The following EXOC4 variants were observed in gnomAD, a reference collection of about 807,000 sequenced individuals.
The protein encoded by EXOC4 is exocyst complex component 4.
Under a neutral mutation model 107.2 loss-of-function variants are expected in EXOC4, and 71 were observed. That is an observed-to-expected ratio of 0.66 (90% CI 0.55 to 0.81). The LOEUF (loss-of-function observed/expected upper bound fraction) is 0.81, where lower values mean the gene tolerates loss of function less well. EXOC4 is among the 30% of genes least tolerant of loss of function. The pLI, the probability that EXOC4 is intolerant of heterozygous loss-of-function variation, is 0.00. For synonymous variants in EXOC4, 456 were observed against 441.2 expected (o/e 1.03, Z -0.42); for missense variants, 1,108 against 1,189.6 (o/e 0.93, Z 1.01).
chr7:133,449,721 T>TTGTGTGTGTGTGTG (rs58843853), intron 7 of EXOC4, among the ~76,000 whole-genome samples: 2,751 of 147,966 alleles, frequency 0.019, 78 homozygotes, highest in African/African-American at 0.059. Flanking sequence ...GAAAATACAT[T>TTGTGTGTGTGTGTG]TGTGTGTGTG....
intron 17 of EXOC4, among the ~76,000 whole-genome samples, chr7:134,048,447 T>A (rs552164286): frequency 1.8e-3 from 268 of 152,300 alleles, no homozygotes; most frequent in African/African-American, 6.3e-3. Context: ...AAGGACACCT[T>A]GGAGGTTAGA....
intron 11 of EXOC4, among the ~76,000 whole-genome samples, chr7:133,845,879 T>A (rs1015956738): frequency 2.0e-5 from 3 of 152,196 alleles, no homozygotes; most frequent in African/African-American, 7.2e-5. Flanking sequence ...TCAGGGAGAA[T>A]GTTGTGTGTC....
rs547925601 is a variant in EXOC4 at position 133,322,489 on chromosome 7, G to T, written c.763+5099G>T. Among the ~76,000 whole-genome samples the T allele has an allele frequency of 1.8e-4, 28 of 152,242 alleles. No homozygotes were observed. The East Asian group carries it at 3.5e-3, about 19-fold the overall frequency. On this transcript the variant is annotated intron_variant, in intron 5 of 17. Coordinates refer to ENST00000253861, the MANE Select transcript of EXOC4 (RefSeq NM_021807.4). ...TTACATAGGGAATCCTTTCCCCATT[G>T]CTTGTTTTTGTCAGATTTGTGAAAG... is the stretch of plus-strand genomic sequence containing the variant.
chr7:133,298,989 A>G (rs1031632957), intron 3 of EXOC4, among the ~76,000 whole-genome samples: 2 of 152,202 alleles, frequency 1.3e-5, no homozygotes, highest in African/African-American at 4.8e-5. Context: ...GGATAGGCAC[A>G]TGCTCCCAGT....
In EXOC4 at chr7:134,039,659, A is replaced by G. The variant is rs146820842; in HGVS notation, c.2688-24632A>G. On this transcript the variant is annotated intron_variant, in intron 17 of 17. Coordinates refer to ENST00000253861, the MANE Select transcript of EXOC4 (RefSeq NM_021807.4). ...TTGCTTTTCCTTGCTGCCCCAGTACAATGAGCAACCATGGGAATACAGTCT... is the reference window on the plus strand; with the variant it reads ...TTGCTTTTCCTTGCTGCCCCAGTACGATGAGCAACCATGGGAATACAGTCT... 9.2e-5 allele frequency among the ~76,000 whole-genome samples: 14 copies of G among 152,264 alleles called. No homozygotes were observed. The East Asian group carries it at 2.7e-3, about 29-fold the overall frequency.
At chr7:133,581,706 C>T (rs1464303504) in intron 9 of EXOC4, among the ~76,000 whole-genome samples, 6 of 140,342 alleles carry the variant, frequency 4.3e-5, no homozygotes, top group East Asian at 2.2e-4. Context: ...TGCAGTGAGC[C>T]GGGATAGCGC....
In EXOC4 at chr7:134,007,916, C is replaced by G. The variant is rs1372690692; in HGVS notation, c.2687+81C>G. The G allele has an allele frequency of 7.0e-6, 9 of 1,285,094 alleles. No homozygotes were observed. The East Asian group carries it at 1.7e-4, about 24-fold the overall frequency. 79.6% of individuals were successfully genotyped at this position (1,285,094 alleles called of 1,614,324 possible). Reference sequence around the variant, plus strand: ...GTGAAGTCATTTTTAAAAATAGACTCTTGGTGCAGAAAAAGCTTAGTTTAA... The same window carrying G: ...GTGAAGTCATTTTTAAAAATAGACTGTTGGTGCAGAAAAAGCTTAGTTTAA... On this transcript the variant is annotated intron_variant, in intron 17 of 17. Transcript: ENST00000253861.
At chr7:133,580,487 A>G (rs1801231318) in intron 9 of EXOC4, among the ~76,000 whole-genome samples, 1 of 152,160 alleles carries the variant, frequency 6.6e-6, no homozygotes, top group African/African-American at 2.4e-5. Flanking sequence ...CAATTTCTCT[A>G]CAACCTCGCC....
intron 1 of EXOC4, among the ~76,000 whole-genome samples, chr7:133,255,794 G>A (rs1795002445): frequency 6.6e-6 from 1 of 152,136 alleles, no homozygotes; most frequent in Non-Finnish European, 1.5e-5. Context: ...GTGAATGAGA[G>A]GACAATGGAA....
At chr7:133,429,454 CA>C (rs1335952821) in intron 7 of EXOC4, among the ~76,000 whole-genome samples, 2 of 152,258 alleles carry the variant, frequency 1.3e-5, no homozygotes, top group African/African-American at 4.8e-5. Flanking sequence ...ATATAATTCA[CA>C]TATAAGTCAC....
chr7:133,646,238 A>G (rs905743680), intron 10 of EXOC4, among the ~76,000 whole-genome samples: 2 of 152,186 alleles, frequency 1.3e-5, no homozygotes, highest in Admixed American at 6.5e-5. Flanking sequence ...AAGAAAAACC[A>G]TTACAGATGT....
chr7:133,514,175 T>G (rs1434641604), intron 9 of EXOC4, among the ~76,000 whole-genome samples: 1 of 152,084 alleles, frequency 6.6e-6, no homozygotes, highest in Admixed American at 6.5e-5. Flanking sequence ...GTTTTTTTTT[T>G]TCTTTTGAGA....
intron 4 of EXOC4, among the ~76,000 whole-genome samples, chr7:133,311,707 T>C (rs1252141882): frequency 6.6e-6 from 1 of 152,192 alleles, no homozygotes; most frequent in African/African-American, 2.4e-5. Context: ...AGTCAAAGGA[T>C]AAACTATACT....
In EXOC4 at chr7:134,051,852, G is replaced by C. The variant is rs545208881; in HGVS notation, c.2688-12439G>C. Among the ~76,000 whole-genome samples the C allele has an allele frequency of 3.3e-5, 5 of 151,980 alleles. No individual in the cohort carries two copies. The East Asian group carries it at 9.7e-4, about 30-fold the overall frequency. ...TACAAAAAAATTAGCTGGGCATGGT[G>C]GTGGGCACCTGTAGTCCCAGCTACT... On this transcript the variant is annotated intron_variant, in intron 17 of 17. Transcript: ENST00000253861.
intron 9 of EXOC4, among the ~76,000 whole-genome samples, chr7:133,594,682 T>G (rs1228980934): frequency 6.6e-6 from 1 of 151,532 alleles, no homozygotes; most frequent in Admixed American, 6.6e-5. Flanking sequence ...TTAGTAGAGA[T>G]GGGGTTTCAC....
chr7:133,905,009 G>T (rs1362913679), intron 12 of EXOC4, among the ~76,000 whole-genome samples: 2 of 152,196 alleles, frequency 1.3e-5, no homozygotes, highest in Non-Finnish European at 2.9e-5. Flanking sequence ...GCCAGCAAAT[G>T]ACTGACTTAA....
chr7:133,835,290 C>T (rs1442339632), intron 11 of EXOC4, among the ~76,000 whole-genome samples: 2 of 152,200 alleles, frequency 1.3e-5, no homozygotes, highest in African/African-American at 4.8e-5. Context: ...GTGCCCATGA[C>T]GCAGCCTCAG....
At chr7:134,048,965 G>T (rs1212599276) in intron 17 of EXOC4, among the ~76,000 whole-genome samples, 2 of 136,164 alleles carry the variant, frequency 1.5e-5, no homozygotes, top group East Asian at 4.5e-4. Flanking sequence ...TTCTAAAACA[G>T]TTGTCATCAT....
the EXOC4 span, among the ~76,000 whole-genome samples, chr7:134,081,265 C>G: frequency 2.0e-5 from 3 of 152,122 alleles, no homozygotes; most frequent in Admixed American, 2.0e-4. Flanking sequence ...ATCACTTGAG[C>G]CCAGGGGGTG....
Sources: gnomAD v4.1 joint callset for allele counts (sites outside exome capture counted in the v4.1 genomes callset) on GRCh38, gnomAD v4.1.1 for gene constraint, MANE v1.5 for transcripts, NCBI Gene and HGNC (gene_info 2026-07-23, HGNC 2026-07-21) for gene names.